The following HERC2 variants were observed in gnomAD, a reference collection of about 807,000 sequenced individuals.
HERC2 encodes the protein HECT and RLD domain containing E3 ubiquitin protein ligase 2.
A neutral mutation model predicts 537.7 loss-of-function variants in HERC2; 102 were observed. The observed-to-expected ratio is 0.19, with a 90% CI of 0.16 to 0.22. The LOEUF (loss-of-function observed/expected upper bound fraction) is 0.22. Among genes scored for constraint, HERC2 ranks in the 10% least tolerant of loss-of-function variants. The pLI, the probability that HERC2 is intolerant of heterozygous loss-of-function variation, is 1.00. For missense variants in HERC2, 4,236 were observed against 6,198.2 expected, an observed-to-expected ratio of 0.68 and a Z score of 10.63; for synonymous variants, 2,224 against 2,466.2, an observed-to-expected ratio of 0.90 and a Z score of 2.91.
At chr15:28,204,926 C>T (rs1159319450) in intron 45 of HERC2, among the ~76,000 whole-genome samples, 1 of 151,958 alleles carries the variant, frequency 6.6e-6, no homozygotes, top group Admixed American at 6.6e-5. Flanking sequence ...AAGAGCAAGG[C>T]AGGGGGAAAA....
intron 35 of HERC2, among the ~76,000 whole-genome samples, chr15:28,226,344 A>G (rs1052246670): frequency 6.6e-5 from 10 of 150,838 alleles, no homozygotes; most frequent in Non-Finnish European, 1.2e-4. Flanking sequence ...GAAAGAAAAC[A>G]CACTTCTCAA....
chr15:28,145,135 G>C (rs377689868), intron 71 of HERC2, among the ~76,000 whole-genome samples: 3 of 152,232 alleles, frequency 2.0e-5, no homozygotes, highest in African/African-American at 7.2e-5. Context: ...CAGGTGTCCA[G>C]CACACACCAG....
intron 2 of HERC2, among the ~76,000 whole-genome samples, chr15:28,301,370 A>G (rs962996220): frequency 4.6e-5 from 7 of 151,986 alleles, no homozygotes; most frequent in South Asian, 2.1e-4. Context: ...GGCCAAGACT[A>G]TGCCACTGCA....
At chr15:28,236,356 T>A (rs1212705962) in intron 26 of HERC2, among the ~76,000 whole-genome samples, 2 of 152,086 alleles carry the variant, frequency 1.3e-5, no homozygotes, top group African/African-American at 4.8e-5. Context: ...AGTGGCGCGA[T>A]CTCGGCTCAC....
At chr15:28,277,299 T>A (rs190797133) in intron 5 of HERC2, among the ~76,000 whole-genome samples, 1 of 152,046 alleles carries the variant, frequency 6.6e-6, no homozygotes, top group African/African-American at 2.4e-5. Context: ...ATTGAGAGCA[T>A]GTAAAACTGG....
At chr15:28,190,219 C>T (rs1896724357) in intron 55 of HERC2, 1 of 134,172 alleles carries the variant, frequency 7.5e-6, no homozygotes, top group Non-Finnish European at 1.5e-5. Context: ...CGGGGTTTAA[C>T]TGTGTTAGCC....
intron 69 of HERC2, 143 bp downstream of exon 69, chr15:28,162,951 A>T: frequency 1.4e-6 from 1 of 699,904 alleles, no homozygotes; most frequent in Non-Finnish European, 2.4e-6. Context: ...TTTTGCTCTA[A>T]AGGAGTGCTC....
intron 86 of HERC2, chr15:28,118,189 C>T (rs896138963): frequency 2.5e-5 from 4 of 161,856 alleles, no homozygotes; most frequent in Non-Finnish European, 5.5e-5. Context: ...TGTTAAGGCT[C>T]CATCATGCCC....
chr15:28,294,730 C>T (rs1386357667), intron 3 of HERC2, among the ~76,000 whole-genome samples: 5 of 151,952 alleles, frequency 3.3e-5, no homozygotes, highest in African/African-American at 1.2e-4. Flanking sequence ...CACAGCCCCT[C>T]GTGGTTCACT....
At chr15:28,229,113 G>A in intron 34 of HERC2, 82 bp downstream of exon 34, 2 of 1,230,410 alleles carry the variant, frequency 1.6e-6, no homozygotes, top group Non-Finnish European at 2.4e-6. Context: ...CTTCTCAAAA[G>A]CAAAAATTGG....
chr15:28,306,895 CAT>C (rs1442421940), intron 2 of HERC2, among the ~76,000 whole-genome samples: 12 of 152,210 alleles, frequency 7.9e-5, no homozygotes, highest in Admixed American at 7.9e-4. Flanking sequence ...AGTGCAGTAA[CAT>C]GATCTCAGCA....
At chr15:28,259,918 A>G (rs1314994968) in intron 16 of HERC2, among the ~76,000 whole-genome samples, 2 of 147,422 alleles carry the variant, frequency 1.4e-5, no homozygotes, top group Non-Finnish European at 3.0e-5. Context: ...CAGAGAGCTG[A>G]GATTGCACCA....
At chr15:28,209,206 C>T (rs1380531440) in intron 44 of HERC2, among the ~76,000 whole-genome samples, 1 of 152,134 alleles carries the variant, frequency 6.6e-6, no homozygotes, top group East Asian at 1.9e-4. Flanking sequence ...ATACAGCTAG[C>T]CCTCCATATC....
chr15:28,244,377 T>C (rs1903451284), intron 23 of HERC2, among the ~76,000 whole-genome samples: 1 of 151,988 alleles, frequency 6.6e-6, no homozygotes, highest in African/African-American at 2.4e-5. Context: ...ACAGACAGAA[T>C]TAAAATGATG....
chr15:28,125,845 T>C (rs1889416582), intron 83 of HERC2, among the ~76,000 whole-genome samples: 1 of 152,100 alleles, frequency 6.6e-6, no homozygotes, highest in Admixed American at 6.5e-5. Flanking sequence ...AAGTCTCACT[T>C]TGTCGCCCAG....
At chr15:28,175,168 G>A (rs1217227865) in intron 64 of HERC2, among the ~76,000 whole-genome samples, 2 of 151,944 alleles carry the variant, frequency 1.3e-5, no homozygotes, top group African/African-American at 4.8e-5. Context: ...CTAAAATGAG[G>A]CATGGATCCC....
intron 2 of HERC2, among the ~76,000 whole-genome samples, chr15:28,300,478 G>GTATT (rs1193063128): frequency 6.0e-5 from 9 of 150,904 alleles, no homozygotes; most frequent in Non-Finnish European, 8.8e-5. Context: ...CAATAAAGCA[G>GTATT]TGTAAATACA....
At chr15:28,151,405 G>C (rs1056036058) in intron 70 of HERC2, among the ~76,000 whole-genome samples, 3 of 152,116 alleles carry the variant, frequency 2.0e-5, no homozygotes. Flanking sequence ...GGAATTCGAG[G>C]CTACAGTGAG....
intron 63 of HERC2, among the ~76,000 whole-genome samples, chr15:28,175,987 G>A (rs1237539984): frequency 7.2e-5 from 11 of 152,156 alleles, no homozygotes; most frequent in African/African-American, 2.4e-4. Context: ...AAGCTGCCTC[G>A]GGTCATGACA....
Sources: allele counts gnomAD v4.1 joint callset (sites outside exome capture counted in the v4.1 genomes callset), GRCh38; gene constraint gnomAD v4.1.1; transcripts MANE v1.5; gene names NCBI Gene and HGNC (gene_info 2026-07-23, HGNC 2026-07-21).